Variants in GRM4 observed in about 807,000 individuals in gnomAD.
The protein encoded by GRM4 is glutamate metabotropic receptor 4.
GRM4 carries 28 observed loss-of-function variants against 81.7 expected under a neutral mutation model. The ratio of observed to expected loss-of-function variants is 0.34; its 90% CI spans 0.25 to 0.47. The LOEUF (loss-of-function observed/expected upper bound fraction) is 0.47. Ranked by LOEUF, GRM4 falls within the 20% of genes least tolerant of loss-of-function variation. GRM4 has a pLI of 1.00. For synonymous variants in GRM4, 488 were observed against 528.8 expected (o/e 0.92, Z 1.06); for missense variants, 948 against 1,290.0 (o/e 0.73, Z 4.06).
intron 3 of GRM4, chr6:34,062,247 T>C (rs1011191014): frequency 6.1e-6 from 3 of 491,706 alleles, no homozygotes; most frequent in South Asian, 3.6e-5. Flanking sequence ...CCTGGATATG[T>C]CACTTAAGTA....
intron 5 of GRM4, among the ~76,000 whole-genome samples, chr6:34,057,347 C>G (rs1163349233): frequency 3.3e-5 from 5 of 152,188 alleles, no homozygotes; most frequent in African/African-American, 9.7e-5. Context: ...GGGCCAGAGG[C>G]CTGAAAGCTC....
chr6:34,055,507 G>C (rs928707121), intron 6 of GRM4: 1 of 152,108 alleles, frequency 6.6e-6, no homozygotes, highest in African/African-American at 2.4e-5. Context: ...TCCATGCAGC[G>C]CGTCCCCCGC....
At chr6:34,067,482 C>A (rs1171530860) in intron 3 of GRM4, among the ~76,000 whole-genome samples, 1 of 132,888 alleles carries the variant, frequency 7.5e-6, no homozygotes, top group Admixed American at 7.8e-5. Flanking sequence ...CCCTCCCTCT[C>A]TTCCTTCCTT....
At position 34,121,920 on chromosome 6, in the gene GRM4, G is replaced by A. The variant is rs1769825700; in HGVS notation, c.519+11058C>T. On this transcript the variant is annotated intron_variant, in intron 2 of 10. Coordinates refer to ENST00000538487, the MANE Select transcript of GRM4 (RefSeq NM_000841.4). This position sits in a 1 kb window ranked among gnomAD's most constrained non-coding sequence, Gnocchi z 4.6. ...CAAGGAGAGCAGGGCCCTGAGCAGT[G>A]CCAAGACTTGTGGTGGGATTGAGGG... Among the ~76,000 whole-genome samples, 1 of 146,202 alleles carries A rather than the reference G, an allele frequency of 6.8e-6. No homozygotes were observed. The highest frequency in any genetic ancestry group is 2.5e-5 in the African/African-American group (1 of 40,254).
chr6:34,070,284 C>T lies in GRM4; in HGVS notation c.737-8256G>A, dbSNP rs1766746501. On this transcript the variant is annotated intron_variant, in intron 3 of 10. Coordinates refer to ENST00000538487, the MANE Select transcript of GRM4 (RefSeq NM_000841.4). This position sits in a 1 kb window ranked among gnomAD's most constrained non-coding sequence, Gnocchi z 4.6. ...AGCGTCCACACGCGTGGGGTGGGTA[C>T]CCACGTGCACCTGGACGTCTCCCTC... is the stretch of plus-strand genomic sequence containing the variant. 6.6e-6 allele frequency among the ~76,000 whole-genome samples: 1 copy of T among 152,126 alleles called. No homozygotes were observed. The highest frequency in any genetic ancestry group is 2.4e-5 in the African/African-American group (1 of 41,406).
rs112327553 is a variant in GRM4 at position 34,043,058 on chromosome 6, G to A, written c.1169-2310C>T. Among the ~76,000 whole-genome samples the A allele has an allele frequency of 1.6e-3, 246 of 152,234 alleles. 2 individuals are homozygous for A. The highest frequency in any genetic ancestry group is 5.2e-3 in the African/African-American group (216 of 41,532). ...AGGACCACGGGGGTCATCTGCCCCC[G>A]CTGCCATTTTAAAGACAAGAAAACT... On this transcript the variant is annotated intron_variant, in intron 6 of 10. Coordinates refer to ENST00000538487, the MANE Select transcript of GRM4 (RefSeq NM_000841.4).
chr6:34,071,031 T>C (rs1377093036), intron 3 of GRM4, among the ~76,000 whole-genome samples: 1 of 151,300 alleles, frequency 6.6e-6, no homozygotes, highest in African/African-American at 2.4e-5. Flanking sequence ...CCACACAGGC[T>C]CACCCAGTCA....
Position 34,115,504 on chromosome 6 carries a change from T to C in GRM4, c.519+17474A>G, listed in dbSNP as rs541147466. ...AAGCCCAAATTGCTGCCCCTTCCCCTGCTCCCAGCCACAAGGTCCTGGTTC... is the reference window on the plus strand; with the variant it reads ...AAGCCCAAATTGCTGCCCCTTCCCCCGCTCCCAGCCACAAGGTCCTGGTTC... On this transcript the variant is annotated intron_variant, in intron 2 of 10. Transcript: ENST00000538487. The surrounding 1 kb of genome is among the most constrained non-coding windows in gnomAD (Gnocchi z 4.1). 3.5e-4 allele frequency among the ~76,000 whole-genome samples: 53 copies of C among 152,254 alleles called. 1 individual carries two copies. Among genetic ancestry groups the C allele is most frequent in the African/African-American group, 1.2e-3 (51 of 41,556 alleles).
At chr6:34,051,985 G>C (rs1211215716) in intron 6 of GRM4, among the ~76,000 whole-genome samples, 1 of 152,186 alleles carries the variant, frequency 6.6e-6, no homozygotes, top group Non-Finnish European at 1.5e-5. Context: ...CCGTATGCTT[G>C]AGAAAGAATG....
rs1370115082 is a variant in GRM4 at position 34,133,657 on chromosome 6, T to C, written c.-161A>G. 3 of 1,417,424 alleles carry C rather than the reference T, an allele frequency of 2.1e-6. No individual in the cohort carries two copies. Among genetic ancestry groups the C allele is most frequent in the Non-Finnish European group, 1.8e-6 (2 of 1,091,578 alleles). The allele number at this position is 1,417,424 out of a possible 1,614,324, so 87.8% of individuals were successfully genotyped here. On this transcript the variant is annotated 5_prime_UTR_variant, in exon 2 of 11. Coordinates refer to ENST00000538487, the MANE Select transcript of GRM4 (RefSeq NM_000841.4). This position sits in a 1 kb window ranked among gnomAD's most constrained non-coding sequence, Gnocchi z 6.5. ...ATGCTGCTACCCTCTCCCACCTCCT[T>C]GTCACTCGGGCCAAGCACAGTTGCC...
intron 3 of GRM4, among the ~76,000 whole-genome samples, chr6:34,087,835 C>G (rs557608395): frequency 2.6e-4 from 40 of 151,846 alleles, no homozygotes; most frequent in Admixed American, 4.6e-4. Flanking sequence ...CACACACACA[C>G]ACACACGTCC....
At chr6:34,066,503 A>G (rs1680202383) in intron 3 of GRM4, among the ~76,000 whole-genome samples, 1 of 152,036 alleles carries the variant, frequency 6.6e-6, no homozygotes, top group Non-Finnish European at 1.5e-5. Context: ...TATATGTACT[A>G]TACATATATG....
chr6:34,035,222 G>A lies in GRM4; in HGVS notation c.2442+446C>T, dbSNP rs1235176470. Among the ~76,000 whole-genome samples the A allele has an allele frequency of 6.6e-6, 1 of 151,700 alleles. No individual in the cohort carries two copies. Among genetic ancestry groups the A allele is most frequent in the Non-Finnish European group, 1.5e-5 (1 of 67,928 alleles). On this transcript the variant is annotated intron_variant, in intron 9 of 10. Transcript: ENST00000538487. The surrounding 1 kb of genome is among the most constrained non-coding windows in gnomAD (Gnocchi z 6.6). The stretch of plus-strand genomic sequence containing the variant: ...GGTACAGCGCTCCAGGCTTATGGAG[G>A]GGGGAAGGGGTGAGAGAATAGGAGG...
chr6:34,087,723 C>G (rs934962441), intron 3 of GRM4, among the ~76,000 whole-genome samples: 12 of 143,906 alleles, frequency 8.3e-5, no homozygotes, highest in South Asian at 6.8e-4. Flanking sequence ...CACACACACA[C>G]AGGCCCAGTC....
At chr6:34,099,494 C>G (rs1465140365) in intron 2 of GRM4, among the ~76,000 whole-genome samples, 5 of 151,826 alleles carry the variant, frequency 3.3e-5, no homozygotes, top group African/African-American at 1.2e-4. Context: ...TATGTGGCCA[C>G]AGAGAGAGTG....
intron 2 of GRM4, among the ~76,000 whole-genome samples, chr6:34,129,285 GA>G (rs1770146771): frequency 6.6e-6 from 1 of 152,210 alleles, no homozygotes; most frequent in African/African-American, 2.4e-5. Context: ...AATGTGCTGG[GA>G]TTACAGGTGT....
chr6:34,088,637 C>T (rs905462614), intron 3 of GRM4, among the ~76,000 whole-genome samples: 2 of 152,200 alleles, frequency 1.3e-5, no homozygotes, highest in African/African-American at 4.8e-5. Context: ...CCTGGTCTGA[C>T]AGCCCTAGCT....
intron 3 of GRM4, among the ~76,000 whole-genome samples, chr6:34,077,663 A>G (rs1329115051): frequency 6.6e-6 from 1 of 150,872 alleles, no homozygotes; most frequent in South Asian, 2.1e-4. Flanking sequence ...CCCCAACTCT[A>G]ACAGCACCTG....
chr6:34,149,562 G>A (rs146729662), upstream of GRM4, among the ~76,000 whole-genome samples: 158 of 152,256 alleles, frequency 1.0e-3, no homozygotes, highest in Non-Finnish European at 2.1e-3. Flanking sequence ...ACAATCCTGG[G>A]GTAAGTTGTC....
Sources: gnomAD v4.1 joint callset for allele counts (sites outside exome capture counted in the v4.1 genomes callset) on GRCh38, gnomAD v4.1.1 for gene constraint, Gnocchi (gnomAD v3.1) non-coding constraint, MANE v1.5 for transcripts, NCBI Gene and HGNC (gene_info 2026-07-23, HGNC 2026-07-21) for gene names.